NBAS: variants seen among roughly 807,000 people sequenced by gnomAD.
NBAS encodes NAG/BC035112 fusion.
In NBAS, 219 loss-of-function variants were observed where a neutral mutation model predicts 302.5. The observed-to-expected ratio is 0.72, with a 90% CI of 0.65 to 0.81. The LOEUF is 0.81. NBAS is among the 30% of genes least tolerant of loss of function. NBAS has a pLI of 0.00. For missense variants in NBAS, 2,932 were observed against 2,841.6 expected (o/e 1.03, Z -0.72); for synonymous variants, 1,118 against 1,021.6 (o/e 1.09, Z -1.80).
intron 48 of NBAS, among the ~76,000 whole-genome samples, chr2:15,204,118 G>A (rs146191500): frequency 3.9e-3 from 594 of 152,016 alleles, no homozygotes; most frequent in South Asian, 0.015. Context: ...ACAGTTAGCC[G>A]GGCATAGTGG....
rs1680038424 is a variant in NBAS, at chr2:15,473,318, C to CT, written c.1628_1629insA (p.Ser544ValfsTer11). On this transcript the variant is annotated frameshift_variant, in exon 16 of 52. Transcript: ENST00000281513. LOFTEE classifies it high-confidence loss of function. ...CCAGGCCGTAGGTATGAGCCAAGGA[C>CT]AAGGCTTCCTCATACTCTTCACTTT... 4 of 1,613,872 alleles carry CT rather than the reference C, an allele frequency of 2.5e-6. No homozygotes were observed. Among genetic ancestry groups the CT allele is most frequent in the Non-Finnish European group, 3.4e-6 (4 of 1,179,892 alleles).
chr2:15,448,888 T>C (rs1215393731), intron 21 of NBAS, among the ~76,000 whole-genome samples: 1 of 152,186 alleles, frequency 6.6e-6, no homozygotes, highest in African/African-American at 2.4e-5. Context: ...TACATACTAA[T>C]GAAATGTAGG....
In NBAS at chr2:15,368,058, C is replaced by T. The variant is rs1476734378; in HGVS notation, c.3704-1365G>A. The stretch of plus-strand genomic sequence containing the variant: ...ACACATATATACAAGTGCATATATA[C>T]ACAAATAGTTACACATATATACACA... On this transcript the variant is annotated intron_variant, in intron 31 of 51. Coordinates refer to ENST00000281513, the MANE Select transcript of NBAS (RefSeq NM_015909.4). Among the ~76,000 whole-genome samples, 3 of 152,108 alleles carry T rather than the reference C, an allele frequency of 2.0e-5. No individual in the cohort carries two copies. In the East Asian group the frequency reaches 5.8e-4, roughly 29 times the overall value.
chr2:15,554,208 C>T (rs1253955336), intron 3 of NBAS, 70 bp from the exon 4 acceptor site: 3 of 1,214,610 alleles, frequency 2.5e-6, no homozygotes, highest in Non-Finnish European at 3.6e-6. Context: ...ACAAATAGCA[C>T]ATATACTTAT....
At chr2:15,246,465 G>A (rs192591874) in intron 44 of NBAS, among the ~76,000 whole-genome samples, 232 of 152,248 alleles carry the variant, frequency 1.5e-3, no homozygotes, top group African/African-American at 4.8e-3. Context: ...GAACAACTCT[G>A]ATCAACATAC....
At chr2:15,331,844 T>C (rs929958226) in intron 35 of NBAS, among the ~76,000 whole-genome samples, 9 of 152,182 alleles carry the variant, frequency 5.9e-5, no homozygotes, top group African/African-American at 2.2e-4. Context: ...AGAAAATTTG[T>C]AGGTGTGATT....
At chr2:15,044,857 A>C in the NBAS span, among the ~76,000 whole-genome samples, 2 of 152,224 alleles carry the variant, frequency 1.3e-5, no homozygotes, top group Non-Finnish European at 2.9e-5. Flanking sequence ...ATTCCCATAT[A>C]AAGACAGTGC....
At chr2:14,883,824 G>A in the NBAS span, among the ~76,000 whole-genome samples, 2 of 151,928 alleles carry the variant, frequency 1.3e-5, no homozygotes, top group Non-Finnish European at 2.9e-5. Flanking sequence ...ACCTGGGCGT[G>A]GTGGCACACT....
intron 10 of NBAS, among the ~76,000 whole-genome samples, chr2:15,510,280 T>C (rs1462665288): frequency 2.6e-5 from 4 of 152,232 alleles, no homozygotes; most frequent in Admixed American, 2.6e-4. Context: ...TAGAAAACTA[T>C]TTCCCAGCCC....
chr2:15,350,604 G>T (rs796500176), intron 35 of NBAS, among the ~76,000 whole-genome samples: 15 of 152,262 alleles, frequency 9.9e-5, no homozygotes, highest in African/African-American at 2.9e-4. Flanking sequence ...CAGGATGGAA[G>T]ATTCTGAAAC....
intron 25 of NBAS, among the ~76,000 whole-genome samples, chr2:15,409,305 C>G (rs911637778): frequency 2.0e-5 from 3 of 152,286 alleles, no homozygotes; most frequent in African/African-American, 7.2e-5. Flanking sequence ...TCCTCAAGAT[C>G]TGAATGCACC....
chr2:15,171,824 C>T (rs1158518620), intron 51 of NBAS, among the ~76,000 whole-genome samples: 1 of 152,196 alleles, frequency 6.6e-6, no homozygotes, highest in Non-Finnish European at 1.5e-5. Flanking sequence ...GACACGCACA[C>T]AAAGCAAGGG....
chr2:14,849,520 A>G, the NBAS span, among the ~76,000 whole-genome samples: 109 of 151,946 alleles, frequency 7.2e-4, 1 homozygote, highest in South Asian at 0.013. Flanking sequence ...GATATTATCC[A>G]GGAGAACTTC....
At chr2:15,049,321 C>T in the NBAS span, among the ~76,000 whole-genome samples, 2 of 152,184 alleles carry the variant, frequency 1.3e-5, no homozygotes, top group African/African-American at 4.8e-5. Flanking sequence ...CCAGGCCTCC[C>T]ACATGCCACC....
At chr2:15,129,465 G>C in the NBAS span, among the ~76,000 whole-genome samples, 4 of 152,134 alleles carry the variant, frequency 2.6e-5, no homozygotes, top group African/African-American at 9.7e-5. Flanking sequence ...TCGATGCCCC[G>C]CCTCCCTTAT....
the NBAS span, among the ~76,000 whole-genome samples, chr2:14,962,644 G>A: frequency 6.6e-6 from 1 of 152,154 alleles, no homozygotes; most frequent in East Asian, 1.9e-4. Context: ...ATTGTTCAGG[G>A]TATAAAAGTC....
At chr2:15,487,014 A>G (rs1359069449) in intron 12 of NBAS, among the ~76,000 whole-genome samples, 2 of 152,212 alleles carry the variant, frequency 1.3e-5, no homozygotes, top group African/African-American at 4.8e-5. Flanking sequence ...ATAACGTACT[A>G]GGATACACAG....
chr2:15,231,841 T>C (rs1174778016), intron 47 of NBAS, among the ~76,000 whole-genome samples: 1 of 152,178 alleles, frequency 6.6e-6, no homozygotes. Context: ...ATATTAGGCA[T>C]TGTAAAGACT....
chr2:15,328,788 T>C (rs891507116), intron 36 of NBAS, among the ~76,000 whole-genome samples: 2 of 152,180 alleles, frequency 1.3e-5, no homozygotes, highest in Admixed American at 1.3e-4. Flanking sequence ...AAATGTTAAC[T>C]AACATTAAAG....
Sources: gnomAD v4.1 joint callset for allele counts (sites outside exome capture counted in the v4.1 genomes callset) on GRCh38, gnomAD v4.1.1 for gene constraint, MANE v1.5 for transcripts, NCBI Gene and HGNC (gene_info 2026-07-23, HGNC 2026-07-21) for gene names.